The following ADGRE1 variants were observed in gnomAD, a reference collection of about 807,000 sequenced individuals.
ADGRE1 encodes the protein adhesion G protein-coupled receptor E1, also known as EGF-like module receptor 1.
In ADGRE1, 82 loss-of-function variants were observed where a neutral mutation model predicts 102.7. That is an observed-to-expected ratio of 0.80 (90% CI 0.67 to 0.96). ADGRE1 has a LOEUF of 0.96. Ranked by LOEUF, ADGRE1 falls within the 40% of genes least tolerant of loss-of-function variation. The pLI is 0.00. For synonymous variants in ADGRE1, 398 were observed against 399.6 expected (o/e 1.00, Z 0.05); for missense variants, 1,032 against 1,085.3 (o/e 0.95, Z 0.69).
At chr19:6,922,612 T>TCTCACACA (rs1285686495) in intron 14 of ADGRE1, among the ~76,000 whole-genome samples, 3 of 123,234 alleles carry the variant, frequency 2.4e-5, no homozygotes, top group African/African-American at 8.9e-5. Flanking sequence ...AGACTCTGTC[T>TCTCACACA]CACACACACA....
chr19:6,906,930 A>C (rs1027857568), intron 9 of ADGRE1, among the ~76,000 whole-genome samples: 5 of 152,166 alleles, frequency 3.3e-5, no homozygotes, highest in Admixed American at 6.5e-5. Flanking sequence ...GGAAGAGAGA[A>C]TGTTTGCCTA....
At chr19:6,898,812 T>C (rs544941987) in intron 5 of ADGRE1, 7 of 432,392 alleles carry the variant, frequency 1.6e-5, no homozygotes, top group African/African-American at 1.2e-4. Flanking sequence ...GGTAAAAATA[T>C]ATAGTTGCCT....
intron 8 of ADGRE1, 43 bp from the exon 9 acceptor site, chr19:6,906,390 C>G (rs752524688): frequency 6.5e-7 from 1 of 1,533,360 alleles, no homozygotes; most frequent in Non-Finnish European, 9.0e-7. Context: ...TCTTATTTTG[C>G]TGAGGTTGAA....
chr19:6,909,924 A>G (rs7408650), intron 10 of ADGRE1, among the ~76,000 whole-genome samples: 148,341 of 152,026 alleles, frequency 0.98, 72,475 homozygotes, highest in Middle Eastern at 1. Context: ...AGTAGAGACG[A>G]GGTTTCTCCA....
chr19:6,889,868 G>T (rs1973293868), intron 1 of ADGRE1, among the ~76,000 whole-genome samples: 1 of 151,926 alleles, frequency 6.6e-6, no homozygotes. Context: ...TGGGTCCTTA[G>T]AGGATATATC....
intron 12 of ADGRE1, among the ~76,000 whole-genome samples, chr19:6,917,609 G>A (rs142747448): frequency 1.9e-3 from 294 of 152,006 alleles, no homozygotes; most frequent in Non-Finnish European, 2.5e-3. Context: ...GTGTGGTGGC[G>A]GGTGCCTGTA....
chr19:6,937,176 G>A lies in ADGRE1; in HGVS notation c.2382-67G>A, dbSNP rs1461502157. On this transcript the variant is annotated intron_variant, in intron 18 of 20. Coordinates refer to ENST00000312053, the MANE Select transcript of ADGRE1 (RefSeq NM_001974.5). ...AGAGTGGCCACCTCAGACCATTCCT[G>A]GAAGTGTGGCCTGCAAGGACAATAG... 23 of 1,537,368 alleles carry A rather than the reference G, an allele frequency of 1.5e-5. No homozygotes were observed. In the Admixed American group the frequency reaches 2.8e-4, roughly 18 times the overall value.
intron 10 of ADGRE1, among the ~76,000 whole-genome samples, chr19:6,909,688 G>A (rs549605402): frequency 4.6e-5 from 7 of 152,066 alleles, no homozygotes; most frequent in African/African-American, 1.7e-4. Flanking sequence ...CATCTTTTCA[G>A]GGGGACAGAA....
chr19:6,919,188 A>T lies in ADGRE1; in HGVS notation c.1421-360A>T, dbSNP rs956140817. Among the ~76,000 whole-genome samples the T allele has an allele frequency of 7.2e-5, 11 of 152,038 alleles. 1 individual carries two copies. The South Asian group carries it at 2.3e-3, about 32-fold the overall frequency. ...GCTGGAGCTACAGGTGCGCATCACC[A>T]CGCCCGGCTAATTTTTTGTATTTTA... On this transcript the variant is annotated intron_variant, in intron 12 of 20. Transcript: ENST00000312053.
chr19:6,909,077 T>C (rs1974078024), intron 10 of ADGRE1, among the ~76,000 whole-genome samples: 1 of 150,562 alleles, frequency 6.6e-6, no homozygotes, highest in Non-Finnish European at 1.5e-5. Context: ...GAGGTTGTGG[T>C]GAGCCAAGAT....
chr19:6,902,382 A>G (rs1420246477), intron 6 of ADGRE1, among the ~76,000 whole-genome samples: 2 of 152,014 alleles, frequency 1.3e-5, no homozygotes, highest in Non-Finnish European at 1.5e-5. Context: ...CAACCCCTCC[A>G]CTGTGTGCCT....
chr19:6,919,464 GT>G, intron 12 of ADGRE1, 83 bp from the exon 13 acceptor site: 1 of 750,126 alleles, frequency 1.3e-6, no homozygotes, highest in Non-Finnish European at 2.3e-6. Context: ...GTGTGTGTGT[GT>G]GTGTGTGTGT....
chr19:6,928,316 T>A, intron 17 of ADGRE1, 105 bp downstream of exon 17: 1 of 1,599,708 alleles, frequency 6.3e-7, no homozygotes, highest in Non-Finnish European at 8.5e-7. Context: ...AGAGGGTCAC[T>A]TATTCCCATC....
In ADGRE1 at chr19:6,891,280, G is replaced by T. The variant is rs1447460503; in HGVS notation, c.94+737G>T. On this transcript the variant is annotated intron_variant, in intron 2 of 20. Coordinates refer to ENST00000312053, the MANE Select transcript of ADGRE1 (RefSeq NM_001974.5). ...GATTGTGAAGCCTCCCCAGCCATGT[G>T]CAACAGTGAGTCAAATTAAACCTCG... is the stretch of plus-strand genomic sequence containing the variant. The T allele has an allele frequency of 2.0e-5, 3 of 152,120 alleles. No individual in the cohort carries two copies. In the East Asian group the frequency reaches 5.8e-4, roughly 29 times the overall value. The allele number at this position is 152,120 out of a possible 1,614,324, so 9.4% of individuals were successfully genotyped here.
intron 8 of ADGRE1, 123 bp from the exon 9 acceptor site, chr19:6,906,309 CT>C (rs1568344097): frequency 1.4e-6 from 1 of 732,970 alleles, no homozygotes; most frequent in Non-Finnish European, 2.3e-6. Flanking sequence ...CATTTTCCCC[CT>C]TGTGTATTAG....
At chr19:6,934,934 G>C (rs926611348) in intron 17 of ADGRE1, 53 bp from the exon 18 acceptor site, 9 of 1,330,548 alleles carry the variant, frequency 6.8e-6, no homozygotes, top group Middle Eastern at 3.8e-4. Flanking sequence ...AGGTGTTCTG[G>C]CCCTTGTCTA....
intron 20 of ADGRE1, 141 bp from the exon 21 acceptor site, chr19:6,939,883 C>A (rs576735486): frequency 4.0e-6 from 4 of 1,004,034 alleles, no homozygotes; most frequent in East Asian, 5.1e-5. Context: ...TAGGGACAAT[C>A]GCATTTAACA....
At chr19:6,892,463 T>C (rs1033003478) in intron 2 of ADGRE1, among the ~76,000 whole-genome samples, 3 of 152,178 alleles carry the variant, frequency 2.0e-5, no homozygotes, top group Non-Finnish European at 4.4e-5. Context: ...CTGAATTGCA[T>C]TCCCTTCATT....
intron 14 of ADGRE1, among the ~76,000 whole-genome samples, chr19:6,922,658 A>AC (rs1491205303): frequency 2.7e-5 from 4 of 147,144 alleles, no homozygotes; most frequent in Non-Finnish European, 4.5e-5. Flanking sequence ...ACACACACAC[A>AC]AACAAAAAGA....
Sources: allele counts gnomAD v4.1 joint callset (sites outside exome capture counted in the v4.1 genomes callset), GRCh38; gene constraint gnomAD v4.1.1; transcripts MANE v1.5; gene names NCBI Gene and HGNC (gene_info 2026-07-23, HGNC 2026-07-21).